The following GAS2 variants were observed in gnomAD, a reference collection of about 807,000 sequenced individuals.
GAS2 encodes the protein growth arrest specific 2.
A neutral mutation model predicts 37.5 loss-of-function variants in GAS2; 20 were observed. The ratio of observed to expected loss-of-function variants is 0.53; its 90% CI spans 0.37 to 0.77. The LOEUF (loss-of-function observed/expected upper bound fraction) is 0.77, where lower values mean the gene tolerates loss of function less well. GAS2 is among the 30% of genes least tolerant of loss of function. The pLI, the probability that GAS2 is intolerant of heterozygous loss-of-function variation, is 0.00. For synonymous variants in GAS2, 144 were observed against 132.2 expected, an observed-to-expected ratio of 1.09 and a Z score of -0.61; for missense variants, 336 against 373.4, an observed-to-expected ratio of 0.90 and a Z score of 0.82.
At chr11:22,710,774 A>G (rs1044410158) in intron 3 of GAS2, among the ~76,000 whole-genome samples, 4 of 152,164 alleles carry the variant, frequency 2.6e-5, no homozygotes, top group Admixed American at 6.5e-5. Context: ...CTGTGACTTA[A>G]GGGTTTCCAA....
intron 1 of GAS2, among the ~76,000 whole-genome samples, chr11:22,642,876 G>T (rs932760198): frequency 6.6e-5 from 10 of 152,116 alleles, no homozygotes; most frequent in Non-Finnish European, 1.3e-4. Context: ...TTCAAACTCA[G>T]GAAGGAAAAG....
chr11:22,780,452 G>A (rs1484597578), intron 7 of GAS2, among the ~76,000 whole-genome samples: 1 of 150,702 alleles, frequency 6.6e-6, no homozygotes, highest in Admixed American at 6.7e-5. Flanking sequence ...CCGAAATCGT[G>A]CCACTGCACT....
chr11:22,719,870 A>G (rs1851865245), intron 3 of GAS2, among the ~76,000 whole-genome samples: 1 of 152,078 alleles, frequency 6.6e-6, no homozygotes, highest in Non-Finnish European at 1.5e-5. Context: ...ACTAAAGGAC[A>G]TCTTGGTTGT....
chr11:22,786,882 T>G (rs577282014), intron 7 of GAS2, among the ~76,000 whole-genome samples: 2 of 152,268 alleles, frequency 1.3e-5, no homozygotes, highest in Admixed American at 1.3e-4. Context: ...CTCATTCTCA[T>G]AGTCACTACC....
chr11:22,696,207 C>T (rs891061113), intron 3 of GAS2, among the ~76,000 whole-genome samples: 11 of 150,444 alleles, frequency 7.3e-5, no homozygotes, highest in South Asian at 2.1e-4. Flanking sequence ...GTTTTTTGTC[C>T]TTGCGATAGT....
At position 22,719,179 on chromosome 11, in the gene GAS2, G is replaced by A. The variant is rs151126329; in HGVS notation, c.268-7113G>A. 5.3e-3 allele frequency among the ~76,000 whole-genome samples: 805 copies of A among 152,040 alleles called. 3 individuals are homozygous for A. The highest frequency in any genetic ancestry group is 0.018 in the African/African-American group (766 of 41,512). ...CCACTTATTTTTTTCTGACGAGAAC[G>A]TTTAAAATCTTCTCTCTTAGCAATT... is the stretch of plus-strand genomic sequence containing the variant. On this transcript the variant is annotated intron_variant, in intron 3 of 7. Coordinates refer to ENST00000454584, the MANE Select transcript of GAS2 (RefSeq NM_001143830.3).
chr11:22,757,876 A>C (rs557944244), intron 7 of GAS2, among the ~76,000 whole-genome samples: 95 of 148,120 alleles, frequency 6.4e-4, no homozygotes, highest in African/African-American at 2.0e-3. Context: ...TATGATTCTA[A>C]AAAAGGCTCC....
At chr11:22,691,675 A>G (rs1850251212) in intron 3 of GAS2, among the ~76,000 whole-genome samples, 1 of 152,212 alleles carries the variant, frequency 6.6e-6, no homozygotes, top group African/African-American at 2.4e-5. Context: ...TATAAGTGGC[A>G]TGATGTAGAA....
chr11:22,670,631 T>C (rs1433028205), intron 1 of GAS2, among the ~76,000 whole-genome samples: 4 of 152,138 alleles, frequency 2.6e-5, no homozygotes. Context: ...AAAAAACATA[T>C]CGAATATTAA....
chr11:22,697,719 A>T (rs1275311329), intron 3 of GAS2, among the ~76,000 whole-genome samples: 2 of 152,176 alleles, frequency 1.3e-5, no homozygotes, highest in Admixed American at 6.5e-5. Context: ...GTGAATGGGA[A>T]TTCACTGATG....
chr11:22,755,721 G>T, intron 6 of GAS2, 125 bp from the exon 7 acceptor site: 1 of 621,384 alleles, frequency 1.6e-6, no homozygotes. Flanking sequence ...ATGCTCACAT[G>T]ATGTCCATAG....
At position 22,715,866 on chromosome 11, in the gene GAS2, C is replaced by A. The variant is rs531816441; in HGVS notation, c.268-10426C>A. ...CTATTAATCAAGTATTACCCTAATA[C>A]CAAAACCAGGAAAGAACATAACAAA... On this transcript the variant is annotated intron_variant, in intron 3 of 7. Coordinates refer to ENST00000454584, the MANE Select transcript of GAS2 (RefSeq NM_001143830.3). Among the ~76,000 whole-genome samples the A allele has an allele frequency of 2.2e-4, 33 of 151,980 alleles. No homozygotes were observed. The South Asian group carries it at 3.5e-3, about 16-fold the overall frequency.
At chr11:22,692,160 G>T (rs1038855106) in intron 3 of GAS2, among the ~76,000 whole-genome samples, 2 of 152,100 alleles carry the variant, frequency 1.3e-5, no homozygotes, top group Non-Finnish European at 2.9e-5. Context: ...TTGCAGATGG[G>T]GGTGGGGGAG....
At chr11:22,690,783 G>A (rs1850207270) in intron 3 of GAS2, among the ~76,000 whole-genome samples, 1 of 152,084 alleles carries the variant, frequency 6.6e-6, no homozygotes, top group African/African-American at 2.4e-5. Flanking sequence ...CAAGACAGGG[G>A]AATTGTTACA....
intron 5 of GAS2, among the ~76,000 whole-genome samples, chr11:22,745,857 A>T (rs1367043404): frequency 1.3e-5 from 2 of 152,178 alleles, no homozygotes; most frequent in African/African-American, 4.8e-5. Flanking sequence ...ATCACTAATC[A>T]TCAGAGAAAT....
intron 7 of GAS2, among the ~76,000 whole-genome samples, chr11:22,801,004 A>G (rs945807944): frequency 2.6e-5 from 4 of 151,706 alleles, no homozygotes; most frequent in Middle Eastern, 3.2e-3. Flanking sequence ...AGTAAAACAT[A>G]TGATTTTCTG....
At chr11:22,655,811 T>A (rs1462162857) in intron 1 of GAS2, among the ~76,000 whole-genome samples, 1 of 152,228 alleles carries the variant, frequency 6.6e-6, no homozygotes, top group Non-Finnish European at 1.5e-5. Context: ...TACCTTTATT[T>A]CTTTACTTTC....
At chr11:22,660,699 G>C (rs976860212) in intron 1 of GAS2, among the ~76,000 whole-genome samples, 1 of 152,166 alleles carries the variant, frequency 6.6e-6, no homozygotes, top group African/African-American at 2.4e-5. Context: ...CCTATTCCTT[G>C]ACAGCCTCTG....
intron 3 of GAS2, among the ~76,000 whole-genome samples, chr11:22,688,888 C>T (rs1366048304): frequency 1.3e-5 from 2 of 152,152 alleles, no homozygotes; most frequent in Non-Finnish European, 2.9e-5. Context: ...TGAAATCAAC[C>T]TAGATACTCA....
Sources: gnomAD v4.1 joint callset for allele counts (sites outside exome capture counted in the v4.1 genomes callset) on GRCh38, gnomAD v4.1.1 for gene constraint, MANE v1.5 for transcripts, NCBI Gene and HGNC (gene_info 2026-07-23, HGNC 2026-07-21) for gene names.